Variants in ALG13 observed in about 807,000 individuals in gnomAD.
The protein encoded by ALG13 is ALG13 UDP-N-acetylglucosaminyltransferase subunit.
Under a neutral mutation model 87.8 loss-of-function variants are expected in ALG13, and 11 were observed. That is an observed-to-expected ratio of 0.13 (90% CI 0.08 to 0.21). The LOEUF is 0.21. Ranked by LOEUF, ALG13 falls within the 10% of genes least tolerant of loss-of-function variation. The pLI, the probability that ALG13 is intolerant of heterozygous loss-of-function variation, is 1.00. For synonymous variants in ALG13, 320 were observed against 306.3 expected (o/e 1.04, Z -0.47); for missense variants, 756 against 866.1 (o/e 0.87, Z 1.60).
At chrX:111,692,969 C>T (rs1490238808) in intron 3 of ALG13, among the ~76,000 whole-genome samples, 2 of 110,138 alleles carry the variant, frequency 1.8e-5, no homozygotes, top group East Asian at 2.9e-4. Flanking sequence ...TTTGTAGAGA[C>T]GGGGTTTTGC....
intron 3 of ALG13, chrX:111,688,524 G>A: frequency 1.3e-6 from 1 of 749,307 alleles, no homozygotes; most frequent in Non-Finnish European, 1.6e-6. Flanking sequence ...ACTTGGAAAA[G>A]CTACTTTTTT....
intron 8 of ALG13, among the ~76,000 whole-genome samples, chrX:111,714,594 T>G (rs1288632944): frequency 9.0e-6 from 1 of 111,167 alleles, no homozygotes; most frequent in African/African-American, 3.3e-5. Flanking sequence ...CTTTTCATTG[T>G]ACAGAATAGT....
chrX:111,724,633 T>C (rs1569518675), intron 14 of ALG13, among the ~76,000 whole-genome samples: 1 of 111,887 alleles, frequency 8.9e-6, no homozygotes, highest in Non-Finnish European at 1.9e-5. Flanking sequence ...TGGTTTACAT[T>C]CCCAAGCCTC....
At chrX:111,691,148 T>TGGA (rs1936071359) in intron 3 of ALG13, among the ~76,000 whole-genome samples, 1 of 111,393 alleles carries the variant, frequency 9.0e-6, no homozygotes, top group African/African-American at 3.3e-5. Flanking sequence ...TCACCCAGAC[T>TGGA]GGAGTGCAAT....
intron 1 of ALG13, 126 bp downstream of exon 1, chrX:111,681,425 GTGCCGCTGCC>G: frequency 8.7e-7 from 1 of 1,147,381 alleles, no homozygotes; most frequent in Non-Finnish European, 1.2e-6. Context: ...TCTACCACAG[GTGCCGCTGCC>G]CCTTAGCTGG....
intron 3 of ALG13, chrX:111,688,547 A>T: frequency 1.3e-6 from 1 of 745,560 alleles, no homozygotes; most frequent in East Asian, 1.5e-4. Flanking sequence ...TAAAGAACAG[A>T]GTGGAGTGGA....
chrX:111,687,023 T>C (rs964836756), intron 3 of ALG13, among the ~76,000 whole-genome samples: 20 of 111,648 alleles, frequency 1.8e-4, no homozygotes, highest in African/African-American at 6.5e-4. Flanking sequence ...AATGGTGCGA[T>C]CTCGGCTCAC....
At chrX:111,735,700 G>GACTT (rs779210078) in intron 22 of ALG13, among the ~76,000 whole-genome samples, 1 of 111,213 alleles carries the variant, frequency 9.0e-6, no homozygotes, top group South Asian at 3.9e-4. Context: ...AGCAACATAA[G>GACTT]ACTTAACAAA....
intron 24 of ALG13, among the ~76,000 whole-genome samples, chrX:111,748,031 C>T (rs1022690705): frequency 6.2e-5 from 7 of 112,035 alleles, no homozygotes; most frequent in African/African-American, 2.3e-4. Flanking sequence ...TTTTAATTTG[C>T]ATTTCCCTTA....
chrX:111,705,391 T>TA (rs1217489662), intron 3 of ALG13, among the ~76,000 whole-genome samples: 1 of 111,921 alleles, frequency 8.9e-6, no homozygotes, highest in Non-Finnish European at 1.9e-5. Context: ...TCTGGTTAGA[T>TA]ATGTGATGTA....
chrX:111,724,146 G>T (rs1022380090), intron 14 of ALG13, among the ~76,000 whole-genome samples: 2 of 112,190 alleles, frequency 1.8e-5, no homozygotes, highest in Non-Finnish European at 3.8e-5. Context: ...AAGTACAACA[G>T]AATTCTGATA....
intron 8 of ALG13, among the ~76,000 whole-genome samples, chrX:111,717,541 CTTTTTTTTTTTT>C (rs773345817): frequency 2.5e-5 from 2 of 81,266 alleles, no homozygotes; most frequent in Non-Finnish European, 4.9e-5. Flanking sequence ...CTAAGTGTTC[CTTTTTTTTTTTT>C]TTTTTTTAGC....
At chrX:111,715,077 A>G (rs1404093902) in intron 8 of ALG13, among the ~76,000 whole-genome samples, 2 of 112,124 alleles carry the variant, frequency 1.8e-5, no homozygotes, top group Non-Finnish European at 3.8e-5. Context: ...TCCTACAATT[A>G]CACAGTTCCA....
Position 111,724,935 on chromosome X carries a change from C to T in ALG13, c.1603C>T (p.His535Tyr), listed in dbSNP as rs1941811361. The T allele has an allele frequency of 1.7e-6, 2 of 1,207,559 alleles. No individual in the cohort carries two copies. Among genetic ancestry groups the T allele is most frequent in the Admixed American group, 2.2e-5 (1 of 45,594 alleles). ...TVFIEELAEK[H>Y]VVPLANLKPV... The stretch of plus-strand genomic sequence containing the variant: ...ATGGTGATACCTTTAACTTTTAAGG[C>T]ATGTTGTTCCACTGGCTAACTTAAA... Residue 535 changes from histidine to tyrosine, a missense_variant and splice_region_variant, in exon 15 of 27, where the codon CAT becomes TAT. By Grantham distance (83) the His-to-Tyr change is moderately conservative. Coordinates refer to ENST00000394780, the MANE Select transcript of ALG13 (RefSeq NM_001099922.3).
At chrX:111,721,116 C>T (rs1941370081) in intron 11 of ALG13, among the ~76,000 whole-genome samples, 1 of 73,586 alleles carries the variant, frequency 1.4e-5, no homozygotes, top group South Asian at 9.2e-4. Flanking sequence ...AAGGAAGAAA[C>T]TTAATTCTTC....
In ALG13 at chrX:111,725,849, A is replaced by G. The variant is rs781141340; in HGVS notation, c.1729+788A>G. On this transcript the variant is annotated intron_variant, in intron 15 of 26. Transcript: ENST00000394780. ...AAAAATATTTCTTAGAGAACTAGGAAAATACCTCATAGAAGCAGCCAGGGA... is the reference window on the plus strand; with the variant it reads ...AAAAATATTTCTTAGAGAACTAGGAGAATACCTCATAGAAGCAGCCAGGGA... 3.6e-5 allele frequency among the ~76,000 whole-genome samples: 4 copies of G among 112,616 alleles called. No individual in the cohort carries two copies. In the South Asian group the frequency reaches 1.1e-3, roughly 31 times the overall value.
At chrX:111,715,038 A>G (rs1757839191) in intron 8 of ALG13, among the ~76,000 whole-genome samples, 2 of 112,197 alleles carry the variant, frequency 1.8e-5, no homozygotes, top group Non-Finnish European at 3.8e-5. Flanking sequence ...AGACTCATGC[A>G]GTAAACATTC....
At chrX:111,759,572 T>G (rs763929609) in intron 26 of ALG13, among the ~76,000 whole-genome samples, 162 bp from the exon 27 acceptor site, 2 of 112,051 alleles carry the variant, frequency 1.8e-5, no homozygotes, top group Non-Finnish European at 3.8e-5. Flanking sequence ...TCATATTATC[T>G]TTACTCATTA....
chrX:111,724,217 A>G (rs1941718781), intron 14 of ALG13, among the ~76,000 whole-genome samples: 1 of 112,333 alleles, frequency 8.9e-6, no homozygotes, highest in South Asian at 3.7e-4. Context: ...CAGCATGAAG[A>G]TAAGCTAATC....
Sources: allele counts gnomAD v4.1 joint callset (sites outside exome capture counted in the v4.1 genomes callset), GRCh38; gene constraint gnomAD v4.1.1; transcripts MANE v1.5; gene names NCBI Gene and HGNC (gene_info 2026-07-23, HGNC 2026-07-21).